The following NLGN1 variants were observed in gnomAD, a reference collection of about 807,000 sequenced individuals.
NLGN1 encodes the protein neuroligin-1.
In NLGN1, 12 loss-of-function variants were observed where a neutral mutation model predicts 65.5. That is an observed-to-expected ratio of 0.18 (90% CI 0.12 to 0.30). The LOEUF (loss-of-function observed/expected upper bound fraction) is 0.30, where lower values mean the gene tolerates loss of function less well. Among genes scored for constraint, NLGN1 ranks in the 10% least tolerant of loss-of-function variants. The pLI is 1.00. For synonymous variants in NLGN1, 350 were observed against 359.5 expected, an observed-to-expected ratio of 0.97 and a Z score of 0.30; for missense variants, 750 against 1,007.1, an observed-to-expected ratio of 0.74 and a Z score of 3.46.
At chr3:174,181,976 C>CAAAA (rs551914698) in intron 4 of NLGN1, among the ~76,000 whole-genome samples, 602 of 44,086 alleles carry the variant, frequency 0.014, 19 homozygotes, top group African/African-American at 0.034. Context: ...GACTTGGTGT[C>CAAAA]AAAAAAAAAA....
intron 3 of NLGN1, among the ~76,000 whole-genome samples, chr3:173,795,672 A>T (rs1364510479): frequency 6.6e-6 from 1 of 152,138 alleles, no homozygotes; most frequent in Non-Finnish European, 1.5e-5. Context: ...ATATAGTAAC[A>T]TAATCCTGTC....
At chr3:174,082,818 T>C (rs1027821938) in intron 4 of NLGN1, among the ~76,000 whole-genome samples, 7 of 152,052 alleles carry the variant, frequency 4.6e-5, no homozygotes, top group African/African-American at 1.4e-4. Context: ...CCTCCCAGGT[T>C]CAAGCAATTC....
intron 4 of NLGN1, among the ~76,000 whole-genome samples, chr3:174,002,962 A>G (rs1432916236): frequency 6.6e-6 from 1 of 152,204 alleles, no homozygotes; most frequent in Non-Finnish European, 1.5e-5. Flanking sequence ...TTTAGCAGAG[A>G]GAAATTAGAG....
At chr3:173,992,036 C>A (rs1721230323) in intron 4 of NLGN1, among the ~76,000 whole-genome samples, 1 of 152,062 alleles carries the variant, frequency 6.6e-6, no homozygotes, top group African/African-American at 2.4e-5. Flanking sequence ...CTATGTTGGT[C>A]AATCTGGTCT....
intron 4 of NLGN1, among the ~76,000 whole-genome samples, chr3:173,994,465 C>CAAAAAA (rs1170577220): frequency 2.2e-3 from 73 of 32,898 alleles, no homozygotes; most frequent in South Asian, 4.3e-3. Context: ...TTGAGAAAAG[C>CAAAAAA]AAAAAAAAAA....
intron 3 of NLGN1, among the ~76,000 whole-genome samples, chr3:173,804,242 T>C (rs1716122069): frequency 6.6e-6 from 1 of 152,192 alleles, no homozygotes; most frequent in Non-Finnish European, 1.5e-5. Context: ...ATGGAAATTA[T>C]AAACATGCCT....
chr3:174,171,366 G>A (rs1452285502), intron 4 of NLGN1, among the ~76,000 whole-genome samples: 1 of 152,164 alleles, frequency 6.6e-6, no homozygotes, highest in African/African-American at 2.4e-5. Context: ...ATTAACTATA[G>A]GACAAAGCCT....
At chr3:173,714,147 A>AT (rs1769455982) in intron 3 of NLGN1, among the ~76,000 whole-genome samples, 1 of 152,098 alleles carries the variant, frequency 6.6e-6, no homozygotes, top group African/African-American at 2.4e-5. Context: ...GAAAACATTT[A>AT]TTTTTTATTG....
chr3:173,544,076 T>A (rs1739340307), intron 2 of NLGN1, among the ~76,000 whole-genome samples: 9 of 152,082 alleles, frequency 5.9e-5, no homozygotes, highest in Admixed American at 5.9e-4. Flanking sequence ...GTGGTATAAT[T>A]GAGGAACAGA....
intron 3 of NLGN1, among the ~76,000 whole-genome samples, chr3:173,676,090 A>G (rs1763135082): frequency 6.6e-6 from 1 of 152,140 alleles, no homozygotes; most frequent in Admixed American, 6.6e-5. Context: ...CTACATGTGA[A>G]TATACAAGTA....
In NLGN1 at chr3:173,792,510, C is replaced by T. The variant is rs564360401; in HGVS notation, c.494-15170C>T. The stretch of plus-strand genomic sequence containing the variant: ...AGGAGACTCTCCATGTTTGCACTAA[C>T]ACCTTTCCTCCTCTCTGAGGTGAGT... On this transcript the variant is annotated intron_variant, in intron 3 of 6. Transcript: ENST00000457714. 5.9e-5 allele frequency among the ~76,000 whole-genome samples: 9 copies of T among 152,232 alleles called. No homozygotes were observed. The East Asian group carries it at 1.7e-3, about 29-fold the overall frequency.
At chr3:173,932,670 G>A (rs371502679) in intron 4 of NLGN1, among the ~76,000 whole-genome samples, 92 of 152,256 alleles carry the variant, frequency 6.0e-4, no homozygotes, top group Non-Finnish European at 1.1e-3. Context: ...TTTGTGGAAT[G>A]ACTAAAATGT....
At chr3:174,242,915 G>A (rs867811118) in intron 4 of NLGN1, among the ~76,000 whole-genome samples, 110 of 152,094 alleles carry the variant, frequency 7.2e-4, no homozygotes, top group African/African-American at 2.6e-3. Context: ...ATCTAACGGC[G>A]TTAAATGAAA....
intron 2 of NLGN1, among the ~76,000 whole-genome samples, chr3:173,593,511 G>T (rs947832872): frequency 1.2e-4 from 19 of 152,200 alleles, no homozygotes; most frequent in African/African-American, 4.3e-4. Context: ...AATGTAATAA[G>T]TGTTTTGAGA....
At chr3:173,663,829 T>C (rs1390884614) in intron 3 of NLGN1, among the ~76,000 whole-genome samples, 1 of 152,008 alleles carries the variant, frequency 6.6e-6, no homozygotes, top group Non-Finnish European at 1.5e-5. Flanking sequence ...TCTTGAAGAT[T>C]ATCAGTTTAA....
chr3:173,645,821 G>A (rs1299072654), intron 3 of NLGN1, among the ~76,000 whole-genome samples: 1 of 152,168 alleles, frequency 6.6e-6, no homozygotes, highest in East Asian at 1.9e-4. Context: ...GAAAGGATCG[G>A]TTCTTTCTCT....
chr3:173,457,483 A>G (rs915203679), intron 2 of NLGN1, among the ~76,000 whole-genome samples: 1 of 152,136 alleles, frequency 6.6e-6, no homozygotes, highest in Non-Finnish European at 1.5e-5. Context: ...AGTCCAGATC[A>G]TTTAGGTTTT....
intron 2 of NLGN1, among the ~76,000 whole-genome samples, chr3:173,436,894 G>T (rs2148774264): frequency 6.6e-6 from 1 of 152,270 alleles, no homozygotes; most frequent in East Asian, 1.9e-4. Context: ...CTGTACTCCA[G>T]TAACACTATT....
At chr3:173,481,213 T>C (rs1727223502) in intron 2 of NLGN1, among the ~76,000 whole-genome samples, 1 of 152,032 alleles carries the variant, frequency 6.6e-6, no homozygotes, top group African/African-American at 2.4e-5. Flanking sequence ...TAAAGGTTTT[T>C]GTCAGAATTG....
Sources: gnomAD v4.1 joint callset for allele counts (sites outside exome capture counted in the v4.1 genomes callset) on GRCh38, gnomAD v4.1.1 for gene constraint, MANE v1.5 for transcripts, NCBI Gene and HGNC (gene_info 2026-07-23, HGNC 2026-07-21) for gene names.